The following GRIK4 variants were observed in gnomAD, a reference collection of about 807,000 sequenced individuals.
The protein encoded by GRIK4 is glutamate receptor ionotropic, kainate 4.
In GRIK4, 40 loss-of-function variants were observed where a neutral mutation model predicts 104.9. That is an observed-to-expected ratio of 0.38 (90% CI 0.30 to 0.50). The LOEUF (loss-of-function observed/expected upper bound fraction) is 0.50. Among genes scored for constraint, GRIK4 ranks in the 20% least tolerant of loss-of-function variants. The probability of loss-of-function intolerance (pLI) is 0.93; values close to 1 mark genes in which losing one functional copy is unlikely to be tolerated. For synonymous variants in GRIK4, 485 were observed against 524.9 expected (o/e 0.92, Z 1.04); for missense variants, 1,047 against 1,308.1 (o/e 0.80, Z 3.08).
intron 5 of GRIK4, among the ~76,000 whole-genome samples, chr11:120,815,821 C>T (rs906012207): frequency 1.3e-5 from 2 of 152,104 alleles, no homozygotes; most frequent in Non-Finnish European, 2.9e-5. Context: ...GACGTCTGAG[C>T]GTCCACTCTC....
At chr11:120,860,057 G>A (rs570397251) in intron 8 of GRIK4, among the ~76,000 whole-genome samples, 1 of 152,322 alleles carries the variant, frequency 6.6e-6, no homozygotes, top group South Asian at 2.1e-4. Flanking sequence ...GAGACTGCCT[G>A]GAGGAAAGCA....
intron 3 of GRIK4, among the ~76,000 whole-genome samples, chr11:120,800,272 C>T (rs1591930139): frequency 6.6e-6 from 1 of 152,192 alleles, no homozygotes; most frequent in East Asian, 1.9e-4. Context: ...GGGCTGGAGA[C>T]CCCAGGCAGC....
chr11:120,671,407 A>C (rs892018479), intron 3 of GRIK4, among the ~76,000 whole-genome samples: 3 of 152,210 alleles, frequency 2.0e-5, no homozygotes, highest in African/African-American at 7.2e-5. Context: ...AACTGGCGTG[A>C]GATGATATCT....
chr11:120,870,043 T>C (rs980596943), intron 9 of GRIK4: 9 of 152,210 alleles, frequency 5.9e-5, no homozygotes, highest in African/African-American at 2.2e-4. Flanking sequence ...GACACAGACA[T>C]GTCCAGAGGA....
intron 13 of GRIK4, chr11:120,936,429 G>T: frequency 4.1e-6 from 1 of 244,420 alleles, no homozygotes; most frequent in South Asian, 5.4e-5. Context: ...AGAGATACGG[G>T]TTTCATTTCT....
At chr11:120,720,978 T>TATTC (rs35714376) in intron 3 of GRIK4, among the ~76,000 whole-genome samples, 6,554 of 150,698 alleles carry the variant, frequency 0.043, 308 homozygotes, top group East Asian at 0.2. Flanking sequence ...TTCATTCACG[T>TATTC]ATTCATTCAT....
At chr11:120,904,676 T>C (rs565351272) in intron 12 of GRIK4, among the ~76,000 whole-genome samples, 1 of 152,330 alleles carries the variant, frequency 6.6e-6, no homozygotes, top group Admixed American at 6.5e-5. Context: ...CCCTGGAAGG[T>C]CCATCGTCCA....
chr11:120,759,748 T>A (rs1951714940), intron 3 of GRIK4, among the ~76,000 whole-genome samples: 1 of 152,128 alleles, frequency 6.6e-6, no homozygotes, highest in African/African-American at 2.4e-5. Flanking sequence ...TTGGCAGAGT[T>A]TTTCCATGAA....
chr11:120,700,737 G>A (rs532862425), intron 3 of GRIK4, among the ~76,000 whole-genome samples: 7 of 152,224 alleles, frequency 4.6e-5, no homozygotes, highest in Admixed American at 2.0e-4. Flanking sequence ...GATTACAGGC[G>A]TGAGCCACTG....
At chr11:120,985,817 C>CCTCA in intron 20 of GRIK4, 87 bp from the exon 21 acceptor site, 1 of 1,196,756 alleles carries the variant, frequency 8.4e-7, no homozygotes, top group South Asian at 1.4e-5. Context: ...TGACCGCTGC[C>CCTCA]CCCTTCATCC....
At chr11:120,922,084 A>G (rs1013558613) in intron 13 of GRIK4, among the ~76,000 whole-genome samples, 2 of 152,098 alleles carry the variant, frequency 1.3e-5, no homozygotes, top group Non-Finnish European at 2.9e-5. Context: ...GTGGCTCCCT[A>G]TGTCACCTTC....
chr11:120,586,326 G>A (rs1056953499), intron 1 of GRIK4, among the ~76,000 whole-genome samples: 19 of 152,108 alleles, frequency 1.2e-4, no homozygotes, highest in African/African-American at 4.6e-4. Context: ...AGGGTGATGA[G>A]GAAATTGAAA....
At chr11:120,540,221 A>T (rs992512903) in intron 1 of GRIK4, among the ~76,000 whole-genome samples, 1 of 152,152 alleles carries the variant, frequency 6.6e-6, no homozygotes, top group Non-Finnish European at 1.5e-5. Flanking sequence ...TTAGGGTTTA[A>T]TCATTCAAAC....
In GRIK4 at chr11:120,962,628, C is replaced by G; in HGVS notation, c.2213C>G (p.Thr738Ser). Residue 738 changes from threonine to serine, a missense_variant, in exon 18 of 21, where the codon ACT becomes AGT. Thr to Ser is a moderately conservative substitution (Grantham distance 58). Transcript: ENST00000527524. ...TATCGGCAGCGAAACTGCAACCTCA[C>G]TCAGATTGGGGGCCTGCTGGACACC... ...EYYRQRNCNLTQIGGLLDTKG... is the reference protein window; with the variant it reads ...EYYRQRNCNLSQIGGLLDTKG... 1 of 1,614,136 alleles carries G rather than the reference C, an allele frequency of 6.2e-7. No homozygotes were observed. The highest frequency in any genetic ancestry group is 8.5e-7 in the Non-Finnish European group (1 of 1,180,024).
intron 1 of GRIK4, among the ~76,000 whole-genome samples, chr11:120,601,652 T>G (rs1173875853): frequency 6.7e-6 from 1 of 149,430 alleles, no homozygotes; most frequent in Non-Finnish European, 1.5e-5. Flanking sequence ...GTGTGGTTTT[T>G]TTTTTTTTTT....
At chr11:120,647,387 G>A (rs1949558150) in intron 1 of GRIK4, among the ~76,000 whole-genome samples, 2 of 152,166 alleles carry the variant, frequency 1.3e-5, no homozygotes, top group Non-Finnish European at 2.9e-5. Flanking sequence ...TTTTTTGAGA[G>A]CACAGCTCTG....
rs567153374 is a variant in GRIK4, at chr11:120,731,580, T to C, written c.83-71113T>C. On this transcript the variant is annotated intron_variant, in intron 3 of 20. Coordinates refer to ENST00000527524, the MANE Select transcript of GRIK4 (RefSeq NM_014619.5). ...TGTTCTCAGGGTAATACTGGCCAAA[T>C]AGAATGAGTTTGGAAGTATTCCCTT... Among the ~76,000 whole-genome samples the C allele has an allele frequency of 8.9e-4, 135 of 152,324 alleles. 2 individuals are homozygous for C. The highest frequency in any genetic ancestry group is 1.6e-3 in the Non-Finnish European group (106 of 68,024).
intron 1 of GRIK4, among the ~76,000 whole-genome samples, chr11:120,634,599 T>C (rs548419418): frequency 1.3e-5 from 2 of 151,914 alleles, no homozygotes; most frequent in Admixed American, 6.7e-5. Context: ...AGAGACTCTG[T>C]TCCTCTAGGG....
At chr11:120,656,668 C>G (rs1014279662) in intron 2 of GRIK4, among the ~76,000 whole-genome samples, 1 of 152,176 alleles carries the variant, frequency 6.6e-6, no homozygotes, top group East Asian at 1.9e-4. Flanking sequence ...CGAGACCAGC[C>G]TGGTCATCAT....
Sources: allele counts gnomAD v4.1 joint callset (sites outside exome capture counted in the v4.1 genomes callset), GRCh38; gene constraint gnomAD v4.1.1; transcripts MANE v1.5; gene names NCBI Gene and HGNC (gene_info 2026-07-23, HGNC 2026-07-21).